MAMLD1: variants seen among roughly 807,000 people sequenced by gnomAD.
MAMLD1 encodes mastermind-like domain-containing protein 1.
A neutral mutation model predicts 45.0 loss-of-function variants in MAMLD1; 14 were observed. The ratio of observed to expected loss-of-function variants is 0.31; its 90% CI spans 0.21 to 0.49. MAMLD1 has a LOEUF of 0.49. MAMLD1 is among the 20% of genes least tolerant of loss of function. MAMLD1 has a pLI of 0.99. For missense variants in MAMLD1, 543 were observed against 603.6 expected (o/e 0.90, Z 1.05); for synonymous variants, 254 against 247.8 (o/e 1.02, Z -0.24).
intron 1 of MAMLD1, among the ~76,000 whole-genome samples, chrX:150,386,774 G>A (rs1344642216): frequency 1.9e-5 from 2 of 105,456 alleles, no homozygotes; most frequent in African/African-American, 3.5e-5. Flanking sequence ...CCTGGTGCTC[G>A]CTTCTCTTCC....
intron 1 of MAMLD1, among the ~76,000 whole-genome samples, chrX:150,416,760 A>G (rs1234756476): frequency 8.9e-6 from 1 of 112,469 alleles, no homozygotes; most frequent in Admixed American, 9.4e-5. Flanking sequence ...CATTTGTGAA[A>G]TAATATCTAA....
chrX:150,391,732 T>C (rs1478118631), intron 1 of MAMLD1, among the ~76,000 whole-genome samples: 1 of 112,008 alleles, frequency 8.9e-6, no homozygotes, highest in Non-Finnish European at 1.9e-5. Flanking sequence ...TACTCATTCA[T>C]TGTTGTGATT....
At chrX:150,426,406 G>A (rs1336015012) in intron 1 of MAMLD1, among the ~76,000 whole-genome samples, 1 of 112,046 alleles carries the variant, frequency 8.9e-6, no homozygotes, top group African/African-American at 3.2e-5. Context: ...AAGTAGGAAT[G>A]GCCTTAGCCT....
chrX:150,434,367 T>C (rs1462230250), intron 1 of MAMLD1, among the ~76,000 whole-genome samples: 1 of 111,490 alleles, frequency 9.0e-6, no homozygotes, highest in African/African-American at 3.3e-5. Flanking sequence ...TCTGGATTTT[T>C]CAATCTTTTG....
intron 5 of MAMLD1, among the ~76,000 whole-genome samples, chrX:150,500,051 T>C (rs927469570): frequency 3.6e-5 from 4 of 112,464 alleles, no homozygotes; most frequent in African/African-American, 1.3e-4. Flanking sequence ...AAGTATTTGC[T>C]GAGCCCTTTG....
At chrX:150,443,678 T>C (rs1183768342) in intron 1 of MAMLD1, among the ~76,000 whole-genome samples, 4 of 107,254 alleles carry the variant, frequency 3.7e-5, no homozygotes, top group Admixed American at 1.0e-4. Flanking sequence ...TTTATTTCCA[T>C]TATTGTATTT....
At chrX:150,375,891 A>G (rs2032292913) in intron 1 of MAMLD1, among the ~76,000 whole-genome samples, 1 of 112,052 alleles carries the variant, frequency 8.9e-6, no homozygotes, top group South Asian at 3.7e-4. Flanking sequence ...AGTAGTTTGT[A>G]AATTGGAAAG....
At position 150,412,141 on chromosome X, in the gene MAMLD1, AT is replaced by A. The variant is rs1218212134; in HGVS notation, c.-63-33309del. Among the ~76,000 whole-genome samples the A allele has an allele frequency of 9.8e-3, 1,095 of 111,587 alleles. 17 individuals are homozygous for A. The highest frequency in any genetic ancestry group is 0.034 in the African/African-American group (1,041 of 30,668). On this transcript the variant is annotated intron_variant, in intron 1 of 7. Coordinates refer to ENST00000370401, the MANE Select transcript of MAMLD1 (RefSeq NM_005491.5). ...AGCATGTTGACAATACTGGGATTCT[AT>A]TTTGTACTTTTGGCTACAAACAACA... is the stretch of plus-strand genomic sequence containing the variant.
intron 3 of MAMLD1, 118 bp from the exon 4 acceptor site, chrX:150,469,619 CTCTCTCTT>C: frequency 1.9e-6 from 1 of 515,506 alleles, no homozygotes; most frequent in Non-Finnish European, 3.1e-6. Flanking sequence ...CTCTCTCTCT[CTCTCTCTT>C]TCTCTCTGTC....
intron 2 of MAMLD1, among the ~76,000 whole-genome samples, chrX:150,451,538 G>T (rs1444510274): frequency 1.8e-5 from 2 of 111,666 alleles, no homozygotes; most frequent in Non-Finnish European, 3.8e-5. Flanking sequence ...ATAGATATTT[G>T]GGTTATAAGC....
chrX:150,477,299 A>T (rs1313204491), intron 5 of MAMLD1, among the ~76,000 whole-genome samples: 1 of 112,710 alleles, frequency 8.9e-6, no homozygotes. Flanking sequence ...CCTGGTACAC[A>T]ATTATGCTCC....
intron 2 of MAMLD1, among the ~76,000 whole-genome samples, chrX:150,457,538 A>G (rs974148309): frequency 8.9e-5 from 10 of 112,686 alleles, no homozygotes; most frequent in Non-Finnish European, 1.9e-4. Context: ...GTTCACAGCA[A>G]CACTATTCAC....
rs1557406331 is a variant in MAMLD1, at chrX:150,470,537, C to G, written c.964C>G (p.Gln322Glu). 2.5e-6 allele frequency: 3 copies of G among 1,209,947 alleles called. No homozygotes were observed. The highest frequency in any genetic ancestry group is 3.4e-6 in the Non-Finnish European group (3 of 895,195). ...CAAGCAGGGGTCTGCTACAAAGCAGCAAGGGCCCACCCCCAGTTGGTCTGG... is the reference window on the plus strand; with the variant it reads ...CAAGCAGGGGTCTGCTACAAAGCAGGAAGGGCCCACCCCCAGTTGGTCTGG... ...ASKQGSATKQ[Q>E]GPTPSWSGLP... The change falls in exon 4 of 8, where the codon CAA (glutamine) becomes GAA (glutamate). Residue 322 changes from glutamine (Q) to glutamate (E), a missense_variant. Coordinates refer to ENST00000370401, the MANE Select transcript of MAMLD1 (RefSeq NM_005491.5).
chrX:150,439,885 T>G (rs782754121), intron 1 of MAMLD1, among the ~76,000 whole-genome samples: 7 of 111,069 alleles, frequency 6.3e-5, no homozygotes, highest in African/African-American at 2.3e-4. Context: ...AGGTGGAGGT[T>G]GCAGTGAGCC....
At chrX:150,506,594 C>A (rs180993440) in intron 6 of MAMLD1, among the ~76,000 whole-genome samples, 82 of 112,449 alleles carry the variant, frequency 7.3e-4, no homozygotes, top group African/African-American at 2.3e-3. Context: ...GCATCTGTCT[C>A]AGTCCCCGAA....
intron 1 of MAMLD1, among the ~76,000 whole-genome samples, chrX:150,435,486 C>T (rs1218639567): frequency 2.7e-5 from 3 of 111,168 alleles, no homozygotes; most frequent in Non-Finnish European, 5.7e-5. Context: ...TTCACTCCAG[C>T]CTGGGCAACA....
chrX:150,473,852 CTGAT>C, intron 5 of MAMLD1, 50 bp downstream of exon 5: 1 of 1,168,348 alleles, frequency 8.6e-7, no homozygotes, highest in Non-Finnish European at 1.2e-6. Flanking sequence ...TTTTTGTAGA[CTGAT>C]TGTGTTGTCC....
chrX:150,381,930 G>A (rs1256936004), intron 1 of MAMLD1, among the ~76,000 whole-genome samples: 1 of 109,388 alleles, frequency 9.1e-6, no homozygotes, highest in Admixed American at 9.8e-5. Flanking sequence ...CTAGATACTT[G>A]TATTTTGTCC....
chrX:150,490,581 T>C (rs932547991), intron 5 of MAMLD1, among the ~76,000 whole-genome samples: 12 of 112,202 alleles, frequency 1.1e-4, no homozygotes, highest in African/African-American at 3.9e-4. Context: ...TCCTAATTAT[T>C]CTACAAGGAG....
Sources: allele counts gnomAD v4.1 joint callset (sites outside exome capture counted in the v4.1 genomes callset), GRCh38; gene constraint gnomAD v4.1.1; transcripts MANE v1.5; gene names NCBI Gene and HGNC (gene_info 2026-07-23, HGNC 2026-07-21).